Variants in PEAK1 observed in about 807,000 individuals in gnomAD.
PEAK1 encodes the protein inactive tyrosine-protein kinase PEAK1.
Under a neutral mutation model 124.7 loss-of-function variants are expected in PEAK1, and 54 were observed. The ratio of observed to expected loss-of-function variants is 0.43; its 90% CI spans 0.35 to 0.54. The LOEUF (loss-of-function observed/expected upper bound fraction) is 0.54. Among genes scored for constraint, PEAK1 ranks in the 20% least tolerant of loss-of-function variants. The pLI is 0.01. For missense variants in PEAK1, 2,046 were observed against 2,134.5 expected (o/e 0.96, Z 0.82); for synonymous variants, 719 against 760.0 (o/e 0.95, Z 0.89).
At chr15:77,404,506 G>A (rs529411747) in intron 1 of PEAK1, 2 of 487,886 alleles carry the variant, frequency 4.1e-6, no homozygotes, top group East Asian at 3.0e-4. Flanking sequence ...ATTTATACTA[G>A]AATAAAATAT....
intron 2 of PEAK1, chr15:77,338,080 CTG>C: frequency 1.0e-6 from 1 of 983,500 alleles, no homozygotes; most frequent in Non-Finnish European, 1.2e-6. Flanking sequence ...TGGACTCAAA[CTG>C]TATACCAATG....
rs1227658491 is a variant in PEAK1, at chr15:77,179,462, G to A, written c.2465C>T (p.Thr822Ile). The change falls in exon 7 of 10, where the codon ACA becomes ATA. Residue 822 changes from threonine (T) to isoleucine (I), a missense_variant. Transcript: ENST00000682557. The part of the protein sequence containing the change: ...STPVRPKSLF[T>I]SQPSGEAEAP... Reference sequence around the variant, plus strand: ...TTCAGCCTCACCACTAGGCTGAGATGTAAAGAGAGATTTGGGCCGGACTGG... The same window carrying A: ...TTCAGCCTCACCACTAGGCTGAGATATAAAGAGAGATTTGGGCCGGACTGG... The A allele has an allele frequency of 1.2e-6, 2 of 1,614,124 alleles. No homozygotes were observed. The highest frequency in any genetic ancestry group is 1.7e-6 in the Non-Finnish European group (2 of 1,180,010).
chr15:77,165,168 C>T (rs922250752), intron 7 of PEAK1, among the ~76,000 whole-genome samples: 12 of 149,672 alleles, frequency 8.0e-5, no homozygotes, highest in Non-Finnish European at 1.2e-4. Flanking sequence ...CCCAAAGTGT[C>T]GGGATTACAG....
At chr15:77,313,500 CT>C (rs1555477897) in intron 2 of PEAK1, among the ~76,000 whole-genome samples, 1 of 151,654 alleles carries the variant, frequency 6.6e-6, no homozygotes, top group Non-Finnish European at 1.5e-5. Context: ...GAGTTTCACT[CT>C]TGTTGCCCAA....
At chr15:77,397,083 C>CA (rs905179601) in intron 1 of PEAK1, among the ~76,000 whole-genome samples, 7 of 151,574 alleles carry the variant, frequency 4.6e-5, no homozygotes, top group Middle Eastern at 3.4e-3. Flanking sequence ...CTTTAAAACT[C>CA]AAAAAAAATG....
rs1310803861 is a variant in PEAK1, at chr15:77,250,215, A to G, written c.-115+2152T>C. On this transcript the variant is annotated intron_variant, in intron 6 of 9. Coordinates refer to ENST00000682557, the MANE Select transcript of PEAK1 (RefSeq NM_001385026.1). ...TACATATATATACATATATATGTATATATATACACATATATATGTATATGT... is the reference window on the plus strand; with the variant it reads ...TACATATATATACATATATATGTATGTATATACACATATATATGTATATGT... 2.9e-5 allele frequency among the ~76,000 whole-genome samples: 4 copies of G among 138,838 alleles called. No homozygotes were observed. In the East Asian group the frequency reaches 8.0e-4, roughly 28 times the overall value. The allele number at this position is 138,838 out of a possible 152,430, so 91.1% of individuals were successfully genotyped here.
intron 2 of PEAK1, among the ~76,000 whole-genome samples, chr15:77,320,674 T>C (rs1339566435): frequency 6.6e-6 from 1 of 152,212 alleles, no homozygotes; most frequent in Non-Finnish European, 1.5e-5. Context: ...ATTTTTTTTA[T>C]TATACTTTAA....
chr15:77,420,319 G>A (rs971056499), upstream of PEAK1: 3 of 151,718 alleles, frequency 2.0e-5, no homozygotes, highest in Admixed American at 2.0e-4. Context: ...GCCCCAGCGG[G>A]AGGAGTCACC....
intron 9 of PEAK1, among the ~76,000 whole-genome samples, chr15:77,129,499 T>C (rs1231129206): frequency 6.6e-6 from 1 of 151,654 alleles, no homozygotes; most frequent in Non-Finnish European, 1.5e-5. Flanking sequence ...TGGAGTGCAG[T>C]GCCTCAGCTT....
intron 5 of PEAK1, among the ~76,000 whole-genome samples, chr15:77,271,553 G>C (rs1483568425): frequency 1.3e-5 from 2 of 152,098 alleles, no homozygotes; most frequent in Non-Finnish European, 2.9e-5. Flanking sequence ...ATGATAGACT[G>C]GATTAAGAAA....
rs2051125319 is a variant in PEAK1, at chr15:77,113,829, G to A, written c.*327C>T. The A allele has an allele frequency of 6.4e-6, 2 of 312,144 alleles. No homozygotes were observed. The highest frequency in any genetic ancestry group is 9.1e-5 in the Admixed American group (2 of 21,916). 19.3% of individuals were successfully genotyped at this position (312,144 alleles called of 1,614,324 possible). ...TGGAGGAAATGGACACAGCTCACTG[G>A]CTGAGTTCATACCAAAGAAGCTGTC... On this transcript the variant is annotated 3_prime_UTR_variant, in exon 10 of 10. Coordinates refer to ENST00000682557, the MANE Select transcript of PEAK1 (RefSeq NM_001385026.1).
intron 1 of PEAK1, among the ~76,000 whole-genome samples, chr15:77,411,047 T>A (rs1435477604): frequency 1.3e-5 from 2 of 152,146 alleles, no homozygotes; most frequent in Non-Finnish European, 2.9e-5. Flanking sequence ...CCAGGCTACA[T>A]GTTGTAATTA....
At chr15:77,138,634 T>C (rs1474736611) in intron 8 of PEAK1, among the ~76,000 whole-genome samples, 1 of 152,122 alleles carries the variant, frequency 6.6e-6, no homozygotes, top group Non-Finnish European at 1.5e-5. Context: ...AAGGCCAAGG[T>C]GGGTGGACCA....
Position 77,419,629 on chromosome 15 carries a change from C to A in PEAK1, c.-666+377G>T, listed in dbSNP as rs775449600. On this transcript the variant is annotated intron_variant, in intron 1 of 9. Coordinates refer to ENST00000682557, the MANE Select transcript of PEAK1 (RefSeq NM_001385026.1). ...CCCGGCCTCCCCGCGTCCAGCTCCT[C>A]CAGGCTTCACTTTCCCCCGCAACCT... 3.3e-3 allele frequency: 3,246 copies of A among 985,202 alleles called. 5 individuals carry two copies. Among genetic ancestry groups the A allele is most frequent in the Non-Finnish European group, 3.7e-3 (3,064 of 829,828 alleles). The allele number at this position is 985,202 out of a possible 1,614,324, so 61.0% of individuals were successfully genotyped here. A position where few individuals can be genotyped will look rare whatever the true frequency, so the allele number is the denominator to read the frequency against.
At chr15:77,381,498 A>G in intron 1 of PEAK1, 2 of 960,986 alleles carry the variant, frequency 2.1e-6, no homozygotes, top group African/African-American at 1.8e-5. Flanking sequence ...ACTGAATCTG[A>G]CATTACCAAC....
intron 2 of PEAK1, among the ~76,000 whole-genome samples, chr15:77,327,939 G>A (rs568666222): frequency 3.9e-5 from 6 of 152,142 alleles, no homozygotes; most frequent in African/African-American, 7.2e-5. Flanking sequence ...ACCCTGAAAC[G>A]GCAACAGTGC....
At chr15:77,201,413 T>C (rs902529136) in intron 6 of PEAK1, among the ~76,000 whole-genome samples, 14 of 151,940 alleles carry the variant, frequency 9.2e-5, no homozygotes, top group South Asian at 2.1e-4. Context: ...ATTTTTTTTG[T>C]ATTTTTAGTA....
chr15:77,391,537 T>C (rs1481186413), intron 1 of PEAK1, among the ~76,000 whole-genome samples: 1 of 141,284 alleles, frequency 7.1e-6, no homozygotes, highest in Non-Finnish European at 1.5e-5. Context: ...GCCAGACTAC[T>C]GCACTGCTAT....
At chr15:77,152,635 T>C (rs1201611385) in intron 8 of PEAK1, among the ~76,000 whole-genome samples, 7 of 152,202 alleles carry the variant, frequency 4.6e-5, no homozygotes, top group Non-Finnish European at 7.3e-5. Context: ...TTGTCATAGA[T>C]AGCTCTTATT....
Sources: allele counts gnomAD v4.1 joint callset (sites outside exome capture counted in the v4.1 genomes callset), GRCh38; gene constraint gnomAD v4.1.1; transcripts MANE v1.5; gene names NCBI Gene and HGNC (gene_info 2026-07-23, HGNC 2026-07-21).